The following ZNF688 variants were observed in gnomAD, a reference collection of about 807,000 sequenced individuals.
ZNF688 encodes zinc finger protein 688.
In ZNF688, 10 loss-of-function variants were observed where a neutral mutation model predicts 13.2. The ratio of observed to expected loss-of-function variants is 0.76; its 90% CI spans 0.47 to 1.28. The LOEUF (loss-of-function observed/expected upper bound fraction) is 1.28. Among genes scored for constraint, ZNF688 ranks in the 50% most tolerant of loss-of-function variants. ZNF688 has a pLI of 0.00. For missense variants in ZNF688, 381 were observed against 391.4 expected (o/e 0.97, Z 0.22); for synonymous variants, 160 against 159.4 (o/e 1.00, Z -0.03).
upstream of ZNF688, among the ~76,000 whole-genome samples, chr16:30,575,797 CAG>C (rs2051740469): frequency 6.6e-6 from 1 of 152,040 alleles, no homozygotes; most frequent in Non-Finnish European, 1.5e-5. Flanking sequence ...GCTGGGATTA[CAG>C]GCGCGTGCCA....
chr16:30,570,596 C>G (rs1335493032), intron 2 of ZNF688, 160 bp from the exon 3 acceptor site: 1 of 859,950 alleles, frequency 1.2e-6, no homozygotes, highest in East Asian at 2.7e-5. Context: ...CTAAAAGTGC[C>G]TTATCTGAGC....
chr16:30,576,314 C>T (rs1356442048), upstream of ZNF688, among the ~76,000 whole-genome samples: 1 of 152,216 alleles, frequency 6.6e-6, no homozygotes, highest in Non-Finnish European at 1.5e-5. Flanking sequence ...CGGGCTAACG[C>T]CATTCTCCCG....
At chr16:30,575,372 A>G (rs2051736354), upstream of ZNF688, among the ~76,000 whole-genome samples, 2 of 151,738 alleles carry the variant, frequency 1.3e-5, no homozygotes. Flanking sequence ...TCAGCCTCAC[A>G]AGTAGCTGGG....
chr16:30,570,885 T>C, intron 2 of ZNF688, 125 bp downstream of exon 2: 1 of 1,067,970 alleles, frequency 9.4e-7, no homozygotes, highest in Non-Finnish European at 1.4e-6. Flanking sequence ...CTGCCTTCTT[T>C]ACTCCTCTAG....
upstream of ZNF688, among the ~76,000 whole-genome samples, chr16:30,577,126 G>T (rs1302994050): frequency 6.6e-6 from 1 of 152,068 alleles, no homozygotes; most frequent in Non-Finnish European, 1.5e-5. Flanking sequence ...GCAGTGGCAA[G>T]ATCAAAGCTC....
Position 30,570,029 on chromosome 16 carries a change from G to GCCC in ZNF688, c.715_717dup (p.Gly239dup). 1 of 1,610,680 alleles carries GCCC rather than the reference G, an allele frequency of 6.2e-7. No individual in the cohort carries two copies. The highest frequency in any genetic ancestry group is 1.1e-5 in the South Asian group (1 of 90,902). On this transcript the variant is annotated inframe_insertion, in exon 3 of 3. Transcript: ENST00000223459. Reference sequence around the variant, plus strand: ...CGGATCCCAGGCCTCCGGCCCCGCCGCCCCCCGGAGCAGGAGCGGTGGATC... The same window carrying GCCC: ...CGGATCCCAGGCCTCCGGCCCCGCCGCCCCCCCCCGGAGCAGGAGCGGTGGATC...
At chr16:30,579,814 A>G in the ZNF688 span, 1 of 455,798 alleles carries the variant, frequency 2.2e-6, no homozygotes, top group Admixed American at 2.4e-5. Flanking sequence ...TCATTCCTTC[A>G]AAAGTTTCCT....
upstream of ZNF688, chr16:30,571,890 T>C (rs2051693160): frequency 2.3e-6 from 3 of 1,279,346 alleles, no homozygotes; most frequent in Non-Finnish European, 2.9e-6. Flanking sequence ...GGAAGGTGCC[T>C]TCTGAAAATA....
At chr16:30,574,685 C>T (rs1008820593), upstream of ZNF688, among the ~76,000 whole-genome samples, 8 of 152,120 alleles carry the variant, frequency 5.3e-5, no homozygotes, top group African/African-American at 1.9e-4. Context: ...GTATCAATCA[C>T]TTTGAGTATT....
upstream of ZNF688, chr16:30,571,719 G>A (rs1342105637): frequency 3.7e-6 from 5 of 1,345,758 alleles, no homozygotes; most frequent in Non-Finnish European, 4.7e-6. Context: ...CCACAGGAAG[G>A]GCGGCCCCGC....
upstream of ZNF688, chr16:30,572,094 A>C: frequency 2.0e-6 from 3 of 1,514,698 alleles, no homozygotes; most frequent in Non-Finnish European, 2.7e-6. Flanking sequence ...CCTTCAAGAA[A>C]GATGTAAGGG....
At chr16:30,578,952 C>G in the ZNF688 span, 2 of 151,392 alleles carry the variant, frequency 1.3e-5, no homozygotes, top group Non-Finnish European at 1.5e-5. Flanking sequence ...CCACCATGCT[C>G]GGCTAATTTT....
chr16:30,570,984 TG>T, intron 2 of ZNF688, 25 bp downstream of exon 2: 4 of 1,612,772 alleles, frequency 2.5e-6, no homozygotes, highest in Non-Finnish European at 2.5e-6. Flanking sequence ...GAAAACCAAG[TG>T]GGGGGACCCG....
chr16:30,572,218 G>T, upstream of ZNF688: 3 of 1,603,824 alleles, frequency 1.9e-6, no homozygotes, highest in Non-Finnish European at 2.6e-6. Context: ...CATTTGAAGG[G>T]ACCCCGCGGT....
chr16:30,579,401 G>C, the ZNF688 span: 1 of 166,218 alleles, frequency 6.0e-6, no homozygotes, highest in South Asian at 1.5e-4. Flanking sequence ...ATCTGTTTTT[G>C]TTTTGAGACA....
chr16:30,578,447 T>A, the ZNF688 span: 1 of 152,236 alleles, frequency 6.6e-6, no homozygotes, highest in South Asian at 2.1e-4. Context: ...TCACACAACA[T>A]ACAGGAGATG....
At chr16:30,571,936 A>C, upstream of ZNF688, 2 of 1,288,510 alleles carry the variant, frequency 1.6e-6, no homozygotes, top group East Asian at 3.1e-5. Flanking sequence ...GGCTGCTCTT[A>C]AGGGCGCCAT....
chr16:30,572,468 C>G, upstream of ZNF688: 1 of 501,816 alleles, frequency 2.0e-6, no homozygotes, highest in Non-Finnish European at 3.2e-6. Flanking sequence ...GCATCCGCAG[C>G]TCGGCTCGCT....
rs753487126 is a variant in ZNF688, at chr16:30,570,235, A to C, written c.512T>G (p.Ile171Arg). The C allele has an allele frequency of 6.2e-7, 1 of 1,613,382 alleles. No homozygotes were observed. The highest frequency in any genetic ancestry group is 8.5e-7 in the Non-Finnish European group (1 of 1,179,874). ...PTTGAQPPAP[I>R]PSMDAQAGQR... ...GCCGGCCTGAGCATCCATGCTGGGT[A>C]TGGGTGCCGGGGGCTGTGCTCCTGT... Residue 171 changes from isoleucine to arginine, a missense_variant, in exon 3 of 3, where the codon ATA becomes AGA. Ile to Arg is a moderately conservative substitution (Grantham distance 97). Coordinates refer to ENST00000223459, the MANE Select transcript of ZNF688 (RefSeq NM_145271.4).
Sources: allele counts gnomAD v4.1 joint callset (sites outside exome capture counted in the v4.1 genomes callset), GRCh38; gene constraint gnomAD v4.1.1; transcripts MANE v1.5; gene names NCBI Gene and HGNC (gene_info 2026-07-23, HGNC 2026-07-21).